DOCK1: variants seen among roughly 807,000 people sequenced by gnomAD.
The protein encoded by DOCK1 is dedicator of cytokinesis protein 1.
In DOCK1, 138 loss-of-function variants were observed where a neutral mutation model predicts 262.7. The ratio of observed to expected loss-of-function variants is 0.53; its 90% CI spans 0.46 to 0.61. The LOEUF is 0.61. Among genes scored for constraint, DOCK1 ranks in the 20% least tolerant of loss-of-function variants. The probability of loss-of-function intolerance (pLI) is 0.00; values close to 1 mark genes in which losing one functional copy is unlikely to be tolerated. For missense variants in DOCK1, 1,908 were observed against 2,370.7 expected, an observed-to-expected ratio of 0.80 and a Z score of 4.05; for synonymous variants, 866 against 867.4, an observed-to-expected ratio of 1.00 and a Z score of 0.03.
At chr10:127,023,777 G>A (rs1472545100) in intron 14 of DOCK1, among the ~76,000 whole-genome samples, 4 of 152,202 alleles carry the variant, frequency 2.6e-5, no homozygotes, top group East Asian at 3.9e-4. Flanking sequence ...CAACCTTATC[G>A]TGGAGTCTCA....
intron 29 of DOCK1, among the ~76,000 whole-genome samples, chr10:127,324,213 G>A (rs917923844): frequency 1.3e-5 from 2 of 152,238 alleles, no homozygotes; most frequent in African/African-American, 4.8e-5. Context: ...CAAGAGATGG[G>A]CTGAGCAAAG....
intron 1 of DOCK1, among the ~76,000 whole-genome samples, chr10:126,911,509 T>C (rs1322594106): frequency 6.6e-6 from 1 of 152,140 alleles, no homozygotes; most frequent in South Asian, 2.1e-4. Context: ...AGGTGGTCGC[T>C]TGTCAAGATG....
intron 30 of DOCK1, among the ~76,000 whole-genome samples, chr10:127,342,681 G>A (rs1340718963): frequency 6.6e-6 from 1 of 152,150 alleles, no homozygotes; most frequent in African/African-American, 2.4e-5. Context: ...ACTCTTTGCA[G>A]CTATCTCCTT....
chr10:127,198,347 A>C lies in DOCK1; in HGVS notation c.2848-49661A>C, dbSNP rs557685940. ...ATCTTACTTTATTGGCAATCCATAAAATTGAAATCTGCCTTCCGTCTTTTA... is the reference window on the plus strand; with the variant it reads ...ATCTTACTTTATTGGCAATCCATAACATTGAAATCTGCCTTCCGTCTTTTA... On this transcript the variant is annotated intron_variant, in intron 27 of 51. Coordinates refer to ENST00000623213, the MANE Select transcript of DOCK1 (RefSeq NM_001290223.2). Among the ~76,000 whole-genome samples, 12 of 152,354 alleles carry C rather than the reference A, an allele frequency of 7.9e-5. No individual in the cohort carries two copies. In the South Asian group the frequency reaches 2.5e-3, roughly 32 times the overall value.
chr10:127,336,219 G>A (rs1311178097), intron 29 of DOCK1, among the ~76,000 whole-genome samples: 6 of 152,036 alleles, frequency 3.9e-5, no homozygotes, highest in Admixed American at 3.3e-4. Flanking sequence ...CTGTGTTTCC[G>A]TCCCGTCAGG....
chr10:127,013,921 G>A (rs1234774734), intron 12 of DOCK1, among the ~76,000 whole-genome samples: 1 of 152,238 alleles, frequency 6.6e-6, no homozygotes, highest in Admixed American at 6.5e-5. Flanking sequence ...GGACTGCAGG[G>A]CGCTGCCCAC....
intron 1 of DOCK1, among the ~76,000 whole-genome samples, chr10:126,935,015 C>T (rs1275838497): frequency 6.6e-6 from 1 of 152,102 alleles, no homozygotes; most frequent in Non-Finnish European, 1.5e-5. Flanking sequence ...GAGGCTGAGG[C>T]AGGAGAATGG....
At chr10:127,107,848 C>A (rs1352329423) in intron 24 of DOCK1, among the ~76,000 whole-genome samples, 1 of 152,246 alleles carries the variant, frequency 6.6e-6, no homozygotes. Flanking sequence ...TACTCTAGGC[C>A]TGTCTCATGG....
intron 1 of DOCK1, among the ~76,000 whole-genome samples, chr10:126,921,227 C>T (rs1385776407): frequency 7.1e-6 from 1 of 141,700 alleles, no homozygotes; most frequent in Non-Finnish European, 1.5e-5. Flanking sequence ...AAAGTTCAAA[C>T]AAGTAGTTAT....
rs1417346553 is a variant in DOCK1 at position 127,353,712 on chromosome 10, G to A, written c.3225-957G>A. 2.6e-5 allele frequency among the ~76,000 whole-genome samples: 4 copies of A among 152,220 alleles called. 1 individual carries two copies. Among genetic ancestry groups the A allele is most frequent in the Non-Finnish European group, 2.9e-5 (2 of 68,032 alleles). ...ACGCACCACAGCAGAGCTGCCAGGT[G>A]AGATTGATCTTCTGTGGTTGAGATG... On this transcript the variant is annotated intron_variant, in intron 31 of 51. Transcript: ENST00000623213.
chr10:127,251,213 C>T (rs193269167), intron 28 of DOCK1, among the ~76,000 whole-genome samples: 18 of 151,896 alleles, frequency 1.2e-4, no homozygotes, highest in Non-Finnish European at 1.8e-4. Flanking sequence ...GTGATCCTCC[C>T]GCCTCGGCCT....
chr10:127,080,359 C>T (rs1372099245), intron 23 of DOCK1, among the ~76,000 whole-genome samples: 1 of 152,116 alleles, frequency 6.6e-6, no homozygotes, highest in East Asian at 1.9e-4. Flanking sequence ...AGTAGCATTT[C>T]ATCTTTTGGA....
At chr10:127,428,816 TG>T (rs1433129615) in intron 47 of DOCK1, among the ~76,000 whole-genome samples, 4 of 143,572 alleles carry the variant, frequency 2.8e-5, no homozygotes, top group Non-Finnish European at 6.0e-5. Flanking sequence ...GGGTGCCGTG[TG>T]GATTGGGGTA....
chr10:127,073,090 CTTTT>C, intron 23 of DOCK1, among the ~76,000 whole-genome samples: 1 of 152,166 alleles, frequency 6.6e-6, no homozygotes. Flanking sequence ...TTTGTAGATT[CTTTT>C]TATGTTTTAA....
intron 29 of DOCK1, among the ~76,000 whole-genome samples, chr10:127,276,467 G>C (rs558977442): frequency 6.6e-6 from 1 of 152,280 alleles, no homozygotes; most frequent in African/African-American, 2.4e-5. Context: ...TCGGCTGTTT[G>C]ATTGTGGAAA....
Position 126,942,140 on chromosome 10 carries a change from TCAGCCTCCCGAGTAG to T in DOCK1, c.47-28560_47-28546del, listed in dbSNP as rs1310541238. On this transcript the variant is annotated intron_variant, in intron 1 of 51. Coordinates refer to ENST00000623213, the MANE Select transcript of DOCK1 (RefSeq NM_001290223.2). ...CCCGGTTTCACACCATTCTCCTGCC[TCAGCCTCCCGAGTAG>T]CGGGACTACAGGCGCCCGCCACCAC... Among the ~76,000 whole-genome samples, 1,188 of 152,190 alleles carry T rather than the reference TCAGCCTCCCGAGTAG, an allele frequency of 7.8e-3. 14 individuals are homozygous for T. Among genetic ancestry groups the T allele is most frequent in the African/African-American group, 0.027 (1,107 of 41,552 alleles).
chr10:126,995,938 A>T lies in DOCK1; in HGVS notation c.474-810A>T, dbSNP rs1307630158. Among the ~76,000 whole-genome samples, 2 of 152,174 alleles carry T rather than the reference A, an allele frequency of 1.3e-5. No homozygotes were observed. Among genetic ancestry groups the T allele is most frequent in the African/African-American group, 4.8e-5 (2 of 41,432 alleles). On this transcript the variant is annotated intron_variant, in intron 6 of 51. Coordinates refer to ENST00000623213, the MANE Select transcript of DOCK1 (RefSeq NM_001290223.2). The surrounding 1 kb of genome is among the most constrained non-coding windows in gnomAD (Gnocchi z 5.8). ...CTATTGGGGTCAGTGGGGAGTAAAAAGGTGGTGGATAGATCTCTCCTCCAA... is the reference window on the plus strand; with the variant it reads ...CTATTGGGGTCAGTGGGGAGTAAAATGGTGGTGGATAGATCTCTCCTCCAA...
At chr10:126,965,142 A>T in intron 1 of DOCK1, among the ~76,000 whole-genome samples, 1 of 152,308 alleles carries the variant, frequency 6.6e-6, no homozygotes, top group Non-Finnish European at 1.5e-5. Context: ...GTGTACAGGG[A>T]GTTCAGAAGG....
chr10:127,288,511 A>T (rs2061238235), intron 29 of DOCK1, among the ~76,000 whole-genome samples: 1 of 152,054 alleles, frequency 6.6e-6, no homozygotes, highest in African/African-American at 2.4e-5. Context: ...ACCAGGATGT[A>T]AAGTAAGGAA....
Sources: gnomAD v4.1 joint callset for allele counts (sites outside exome capture counted in the v4.1 genomes callset) on GRCh38, gnomAD v4.1.1 for gene constraint, Gnocchi (gnomAD v3.1) non-coding constraint, MANE v1.5 for transcripts, NCBI Gene and HGNC (gene_info 2026-07-23, HGNC 2026-07-21) for gene names.